The following MYO10 variants were observed in gnomAD, a reference collection of about 807,000 sequenced individuals.
The protein encoded by MYO10 is myosin X, also known as unconventional myosin-X.
MYO10 carries 133 observed loss-of-function variants against 257.3 expected under a neutral mutation model. The ratio of observed to expected loss-of-function variants is 0.52; its 90% confidence interval spans 0.45 to 0.60. The LOEUF is 0.60. Among genes scored for constraint, MYO10 ranks in the 20% least tolerant of loss-of-function variants. The probability of loss-of-function intolerance (pLI) is 0.00; values close to 1 mark genes in which losing one functional copy is unlikely to be tolerated. For synonymous variants in MYO10, 1,104 were observed against 1,028.6 expected, an observed-to-expected ratio of 1.07 and a Z score of -1.40; for missense variants, 2,399 against 2,635.7, an observed-to-expected ratio of 0.91 and a Z score of 1.97.
chr5:16,825,898 A>T (rs552240567), intron 2 of MYO10, among the ~76,000 whole-genome samples: 2 of 152,254 alleles, frequency 1.3e-5, no homozygotes, highest in Non-Finnish European at 1.5e-5. Context: ...TAATTCCAGC[A>T]CTTTCGGAAG....
At chr5:16,761,695 G>GGCTGAAGT (rs1299403430) in intron 16 of MYO10, 149 bp from the exon 17 acceptor site, 1 of 680,922 alleles carries the variant, frequency 1.5e-6, no homozygotes, top group East Asian at 2.7e-5. Context: ...CTATTTCCCA[G>GGCTGAAGT]GCTGAAGTGC....
chr5:16,923,643 A>G (rs1746050432), intron 1 of MYO10, among the ~76,000 whole-genome samples: 1 of 147,948 alleles, frequency 6.8e-6, no homozygotes, highest in African/African-American at 2.6e-5. Context: ...TTAATAAATA[A>G]TAAGCCTTAA....
rs189407539 is a variant in MYO10 at position 16,720,659 on chromosome 5, C to T, written c.1930-9414G>A. On this transcript the variant is annotated intron_variant, in intron 19 of 40. Transcript: ENST00000513610. ...ATTTTTAGTAAAGACGGGATTTCAC[C>T]GTGTTAGCCAGGATGGTCTCCACCT... Among the ~76,000 whole-genome samples, 15 of 152,210 alleles carry T rather than the reference C, an allele frequency of 9.9e-5. No homozygotes were observed. The South Asian group carries it at 3.1e-3, about 32-fold the overall frequency.
At chr5:16,685,090 T>C (rs1198275732) in intron 29 of MYO10, among the ~76,000 whole-genome samples, 1 of 152,188 alleles carries the variant, frequency 6.6e-6, no homozygotes, top group African/African-American at 2.4e-5. Context: ...CCAAGTCCTC[T>C]GAAGAGTAAG....
At position 16,763,351 on chromosome 5, in the gene MYO10, A is replaced by G. The variant is rs1038314846; in HGVS notation, c.1494+130T>C. On this transcript the variant is annotated intron_variant, in intron 14 of 40. Transcript: ENST00000513610. ...TGCACATTTACATTTATGTTTCCAA[A>G]TGGTCCATTGTGTTCTAAACATTCA... 4.1e-6 allele frequency: 3 copies of G among 729,372 alleles called. No homozygotes were observed. The African/African-American group carries it at 5.3e-5, about 13-fold the overall frequency. The allele number at this position is 729,372 out of a possible 1,614,324, so 45.2% of individuals were successfully genotyped here.
intron 29 of MYO10, among the ~76,000 whole-genome samples, chr5:16,684,919 C>T (rs1464186558): frequency 2.0e-5 from 3 of 151,994 alleles, no homozygotes; most frequent in East Asian, 1.9e-4. Context: ...TGGCGGCAAG[C>T]GCCTGTAGTC....
chr5:16,704,171 T>C (rs1738222479), intron 22 of MYO10, among the ~76,000 whole-genome samples: 1 of 151,782 alleles, frequency 6.6e-6, no homozygotes, highest in Non-Finnish European at 1.5e-5. Context: ...AAAATTTTTT[T>C]TTAATTAGCC....
At chr5:16,831,616 C>CAGGA (rs772504694) in intron 2 of MYO10, among the ~76,000 whole-genome samples, 5 of 152,048 alleles carry the variant, frequency 3.3e-5, no homozygotes, top group Admixed American at 6.6e-5. Flanking sequence ...TGAAGTAACT[C>CAGGA]AGGAATGGAA....
chr5:16,778,194 C>T (rs1216363824), intron 9 of MYO10, among the ~76,000 whole-genome samples: 1 of 152,064 alleles, frequency 6.6e-6, no homozygotes, highest in African/African-American at 2.4e-5. Context: ...AACTTAAGAT[C>T]ACAGTGATGA....
rs576672366 is a variant in MYO10, at chr5:16,929,224, A to AT, written c.21+6563dup. 3.5e-3 allele frequency among the ~76,000 whole-genome samples: 526 copies of AT among 152,170 alleles called. 3 individuals are homozygous for AT. Among genetic ancestry groups the AT allele is most frequent in the Middle Eastern group, 6.8e-3 (2 of 294 alleles). ...CACCTCGGCCTCCCAAAGTGCTGGG[A>AT]TTACAGGCATGAGCCACTGCACCCG... On this transcript the variant is annotated intron_variant, in intron 1 of 40. Transcript: ENST00000513610.
chr5:16,813,027 A>G (rs1205834359), intron 3 of MYO10, among the ~76,000 whole-genome samples: 1 of 152,156 alleles, frequency 6.6e-6, no homozygotes, highest in Non-Finnish European at 1.5e-5. Context: ...GTTCTCAGAT[A>G]AAAAGACCAG....
chr5:16,916,327 A>G (rs1042407263), intron 1 of MYO10: 2 of 310,546 alleles, frequency 6.4e-6, no homozygotes, highest in Non-Finnish European at 6.6e-6. Flanking sequence ...TTCCCAATCA[A>G]TAAGAAAAGC....
chr5:16,765,721 AT>A (rs1237327064), intron 11 of MYO10, among the ~76,000 whole-genome samples: 1 of 152,194 alleles, frequency 6.6e-6, no homozygotes, highest in African/African-American at 2.4e-5. Flanking sequence ...AGTCCTATGA[AT>A]TAGGTATAAT....
intron 19 of MYO10, among the ~76,000 whole-genome samples, chr5:16,714,106 A>T (rs1359494651): frequency 6.6e-6 from 1 of 152,104 alleles, no homozygotes; most frequent in East Asian, 1.9e-4. Flanking sequence ...GTTTCCAAGG[A>T]CCCTGCAATT....
In MYO10 at chr5:16,662,394, G is replaced by C. The variant is rs1253496218; in HGVS notation, c.*4298C>G. ...ACCAGAATGCAGTGGCACCATCATG[G>C]CTCCCTGCAGCTTTGACCTCCTGGG... On this transcript the variant is annotated 3_prime_UTR_variant, in exon 41 of 41. Coordinates refer to ENST00000513610, the MANE Select transcript of MYO10 (RefSeq NM_012334.3). 1 of 129,590 alleles carries C rather than the reference G, an allele frequency of 7.7e-6. No homozygotes were observed. The highest frequency in any genetic ancestry group is 9.8e-5 in the Admixed American group (1 of 10,194). 8.0% of individuals were successfully genotyped at this position (129,590 alleles called of 1,614,324 possible). A position where few individuals can be genotyped will look rare whatever the true frequency, so the allele number is the denominator to read the frequency against.
intron 2 of MYO10, among the ~76,000 whole-genome samples, chr5:16,839,453 G>T (rs1406907959): frequency 6.6e-6 from 1 of 152,210 alleles, no homozygotes; most frequent in East Asian, 1.9e-4. Flanking sequence ...GATCAAATTG[G>T]GACACACAAG....
chr5:16,879,655 C>T (rs2126763847), intron 1 of MYO10, among the ~76,000 whole-genome samples: 1 of 152,308 alleles, frequency 6.6e-6, no homozygotes, highest in African/African-American at 2.4e-5. Context: ...TCCCACACAT[C>T]ACACTGACTC....
rs1202707055 is a variant in MYO10, at chr5:16,875,654, G to A, written c.120+1955C>T. 2.0e-5 allele frequency among the ~76,000 whole-genome samples: 3 copies of A among 152,170 alleles called. No homozygotes were observed. In the East Asian group the frequency reaches 5.8e-4, roughly 29 times the overall value. ...TCTCAGAAGAAAAAGAAATGAAGGA[G>A]TTACAAACACAGTATTAACTACAGC... On this transcript the variant is annotated intron_variant, in intron 2 of 40. Coordinates refer to ENST00000513610, the MANE Select transcript of MYO10 (RefSeq NM_012334.3).
chr5:16,749,858 C>T (rs1740331098), intron 19 of MYO10, among the ~76,000 whole-genome samples: 1 of 152,244 alleles, frequency 6.6e-6, no homozygotes, highest in African/African-American at 2.4e-5. Flanking sequence ...TTCTTTAATT[C>T]TGCCCTGAAC....
Sources: gnomAD v4.1 joint callset for allele counts (sites outside exome capture counted in the v4.1 genomes callset) on GRCh38, gnomAD v4.1.1 for gene constraint, MANE v1.5 for transcripts, NCBI Gene and HGNC (gene_info 2026-07-23, HGNC 2026-07-21) for gene names.